The following SDK1 variants were observed in gnomAD, a reference collection of about 807,000 sequenced individuals.
The protein encoded by SDK1 is protein sidekick-1.
In SDK1, 157 loss-of-function variants were observed where a neutral mutation model predicts 245.5. That is an observed-to-expected ratio of 0.64 (90% CI 0.56 to 0.73). The LOEUF is 0.73. SDK1 is among the 30% of genes least tolerant of loss of function. SDK1 has a pLI of 0.00. For synonymous variants in SDK1, 1,647 were observed against 1,278.5 expected (o/e 1.29, Z -6.15); for missense variants, 3,583 against 3,002.3 (o/e 1.19, Z -4.52).
chr7:3,941,616 C>G (rs1242339236), intron 5 of SDK1, among the ~76,000 whole-genome samples: 2 of 152,232 alleles, frequency 1.3e-5, no homozygotes, highest in African/African-American at 4.8e-5. Context: ...CCCAATTTCT[C>G]CTGGAAGAAC....
intron 22 of SDK1, among the ~76,000 whole-genome samples, chr7:4,095,374 G>A (rs186992481): frequency 2.8e-4 from 42 of 152,212 alleles, no homozygotes; most frequent in East Asian, 9.7e-4. Flanking sequence ...TATGTGTAGC[G>A]GACCTGCATA....
chr7:3,533,049 A>C (rs1783402792), intron 1 of SDK1, among the ~76,000 whole-genome samples: 1 of 152,226 alleles, frequency 6.6e-6, no homozygotes, highest in Non-Finnish European at 1.5e-5. Context: ...CAGTCCAATT[A>C]TTCTATCAAA....
intron 1 of SDK1, among the ~76,000 whole-genome samples, chr7:3,497,884 C>G (rs1024053445): frequency 1.3e-5 from 2 of 152,212 alleles, no homozygotes; most frequent in Admixed American, 6.5e-5. Flanking sequence ...ATGGACTTTT[C>G]TCAGCTATGT....
chr7:3,833,079 GA>G (rs899085477), intron 5 of SDK1, among the ~76,000 whole-genome samples: 10 of 152,092 alleles, frequency 6.6e-5, no homozygotes, highest in African/African-American at 2.4e-4. Context: ...GACCATCTGG[GA>G]AGTGTGAAGG....
At chr7:3,449,215 A>G (rs368537298) in intron 1 of SDK1, among the ~76,000 whole-genome samples, 3 of 152,168 alleles carry the variant, frequency 2.0e-5, no homozygotes. Context: ...TCAAAGCTGC[A>G]CCTACAGAGA....
intron 1 of SDK1, among the ~76,000 whole-genome samples, chr7:3,347,116 C>A (rs1425826879): frequency 6.6e-6 from 1 of 151,692 alleles, no homozygotes; most frequent in South Asian, 2.1e-4. Context: ...ATGCCATTCC[C>A]TCTGCTTGCT....
intron 1 of SDK1, among the ~76,000 whole-genome samples, chr7:3,488,904 CGTGTGTGTGT>C (rs59773114): frequency 4.1e-5 from 6 of 147,118 alleles, no homozygotes; most frequent in Admixed American, 6.8e-5. Flanking sequence ...TTCCTCCCTC[CGTGTGTGTGT>C]GTGTGTGTGT....
At chr7:4,034,425 T>C (rs1327459519) in intron 17 of SDK1, among the ~76,000 whole-genome samples, 1 of 152,196 alleles carries the variant, frequency 6.6e-6, no homozygotes, top group South Asian at 2.1e-4. Flanking sequence ...AAGTACATAC[T>C]CCAGTATTTG....
At chr7:3,705,784 TCC>T (rs997868864) in intron 4 of SDK1, among the ~76,000 whole-genome samples, 2 of 152,118 alleles carry the variant, frequency 1.3e-5, no homozygotes. Flanking sequence ...GGCTAGGACT[TCC>T]AGTACTGTGT....
chr7:3,593,670 T>G (rs562532858), intron 1 of SDK1, among the ~76,000 whole-genome samples: 1 of 152,300 alleles, frequency 6.6e-6, no homozygotes, highest in Non-Finnish European at 1.5e-5. Flanking sequence ...AACTGATGGA[T>G]GATTCCCCTC....
chr7:3,379,948 A>G (rs1269885838), intron 1 of SDK1, among the ~76,000 whole-genome samples: 3 of 152,190 alleles, frequency 2.0e-5, no homozygotes, highest in Non-Finnish European at 4.4e-5. Context: ...AACCTAATCC[A>G]AAAATCCAAA....
intron 4 of SDK1, among the ~76,000 whole-genome samples, chr7:3,694,583 G>T (rs887623409): frequency 1.3e-5 from 2 of 151,372 alleles, no homozygotes; most frequent in Non-Finnish European, 2.9e-5. Flanking sequence ...TTGGTGGGGG[G>T]GGAAAAGCAT....
At chr7:3,585,252 C>G (rs554115719) in intron 1 of SDK1, among the ~76,000 whole-genome samples, 2 of 152,252 alleles carry the variant, frequency 1.3e-5, no homozygotes, top group Non-Finnish European at 2.9e-5. Flanking sequence ...AGGCTGAACT[C>G]AGACATTGAG....
intron 42 of SDK1, among the ~76,000 whole-genome samples, chr7:4,239,659 C>T (rs536814940): frequency 1.3e-4 from 20 of 152,296 alleles, no homozygotes; most frequent in African/African-American, 3.8e-4. Context: ...CCACGCACGG[C>T]GCCCGGCCTA....
Position 4,191,224 on chromosome 7 carries a change from G to A in SDK1, c.5098+12638G>A, listed in dbSNP as rs554359935. On this transcript the variant is annotated intron_variant, in intron 35 of 44. Transcript: ENST00000404826. ...CTCCCCCGCCGCAGTCACGGTGGGTGTCCTCCTGGCCCCCAGGCCCTCCCC... is the reference window on the plus strand; with the variant it reads ...CTCCCCCGCCGCAGTCACGGTGGGTATCCTCCTGGCCCCCAGGCCCTCCCC... Among the ~76,000 whole-genome samples the A allele has an allele frequency of 4.6e-4, 70 of 151,612 alleles. 2 individuals carry two copies. The South Asian group carries it at 0.014, about 31-fold the overall frequency.
intron 1 of SDK1, among the ~76,000 whole-genome samples, chr7:3,369,432 CAG>C (rs1275009040): frequency 3.3e-5 from 5 of 151,618 alleles, no homozygotes; most frequent in African/African-American, 9.7e-5. Context: ...GTAGATGTGA[CAG>C]AGATTATACA....
intron 1 of SDK1, among the ~76,000 whole-genome samples, chr7:3,443,988 C>T (rs561747730): frequency 6.6e-6 from 1 of 152,204 alleles, no homozygotes; most frequent in Admixed American, 6.5e-5. Context: ...ATATACATAG[C>T]ACGGAAGCCT....
At chr7:3,627,756 A>T (rs1782164801) in intron 2 of SDK1, among the ~76,000 whole-genome samples, 1 of 152,192 alleles carries the variant, frequency 6.6e-6, no homozygotes, top group Non-Finnish European at 1.5e-5. Flanking sequence ...AATCTAAATG[A>T]CACCCACAGT....
chr7:3,974,510 A>T lies in SDK1; in HGVS notation c.1959A>T (p.Gly653=). ...GDYSCEIVSE[G]GNDSRMARLE... ...ACAGCTGCGAGATTGTTTCTGAAGG[A>T]GGGAATGACTCCAGGATGGCCCGGC... Residue 653 remains glycine, a synonymous_variant, in exon 13 of 45, where the codon GGA becomes GGT. Coordinates refer to ENST00000404826, the MANE Select transcript of SDK1 (RefSeq NM_152744.4). 1 of 1,614,132 alleles carries T rather than the reference A, an allele frequency of 6.2e-7. No homozygotes were observed. Among genetic ancestry groups the T allele is most frequent in the Non-Finnish European group, 8.5e-7 (1 of 1,180,026 alleles).
Sources: gnomAD v4.1 joint callset for allele counts (sites outside exome capture counted in the v4.1 genomes callset) on GRCh38, gnomAD v4.1.1 for gene constraint, MANE v1.5 for transcripts, NCBI Gene and HGNC (gene_info 2026-07-23, HGNC 2026-07-21) for gene names.